Variants in BCAS3 observed in about 807,000 individuals in gnomAD.
The protein encoded by BCAS3 is BCAS3 microtubule associated cell migration factor.
BCAS3 carries 53 observed loss-of-function variants against 116.1 expected under a neutral mutation model. The ratio of observed to expected loss-of-function variants is 0.46; its 90% CI spans 0.37 to 0.57. The LOEUF is 0.57. Among genes scored for constraint, BCAS3 ranks in the 20% least tolerant of loss-of-function variants. The pLI, the probability that BCAS3 is intolerant of heterozygous loss-of-function variation, is 0.00. For missense variants in BCAS3, 917 were observed against 1,165.4 expected (o/e 0.79, Z 3.10); for synonymous variants, 391 against 408.2 (o/e 0.96, Z 0.51).
rs781084130 is a variant in BCAS3 at position 61,037,844 on chromosome 17, A to T, written c.1763-45A>T. On this transcript the variant is annotated intron_variant, in intron 17 of 23. Transcript: ENST00000407086. This position sits in a 1 kb window ranked among gnomAD's most constrained non-coding sequence, Gnocchi z 4.7. ...ACTTGTAAAAATTATTCTGTGCTCC[A>T]TTTATGCCATCATAACACATCGGGT... The T allele has an allele frequency of 2.6e-6, 4 of 1,559,772 alleles. No individual in the cohort carries two copies. Among genetic ancestry groups the T allele is most frequent in the Non-Finnish European group, 3.5e-6 (4 of 1,137,142 alleles).
chr17:61,235,272 A>G lies in BCAS3; in HGVS notation c.2426-133055A>G, dbSNP rs1165670914. Among the ~76,000 whole-genome samples the G allele has an allele frequency of 6.6e-6, 1 of 152,206 alleles. No individual in the cohort carries two copies. Among genetic ancestry groups the G allele is most frequent in the Non-Finnish European group, 1.5e-5 (1 of 68,040 alleles). On this transcript the variant is annotated intron_variant, in intron 22 of 23. Transcript: ENST00000407086. This position sits in a 1 kb window ranked among gnomAD's most constrained non-coding sequence, Gnocchi z 5.0. The stretch of plus-strand genomic sequence containing the variant: ...AGAGTGGCCAGGTGAAGGCTGAAGG[A>G]CCGGATAAGTGTAGTTTCCAGAATC...
intron 22 of BCAS3, among the ~76,000 whole-genome samples, chr17:61,168,418 A>G (rs2078644943): frequency 6.6e-6 from 1 of 152,240 alleles, no homozygotes; most frequent in African/African-American, 2.4e-5. Flanking sequence ...TAAAAAATAA[A>G]TGCAATCAAA....
chr17:60,679,342 G>T, intron 1 of BCAS3, 111 bp from the exon 2 acceptor site: 5 of 676,000 alleles, frequency 7.4e-6, no homozygotes, highest in Non-Finnish European at 9.8e-6. Flanking sequence ...TCCTACATTT[G>T]AGGCATTTTT....
rs544383204 is a variant in BCAS3, at chr17:60,960,913, C to T, written c.1221+13561C>T. 6.6e-6 allele frequency among the ~76,000 whole-genome samples: 1 copy of T among 151,988 alleles called. No individual in the cohort carries two copies. The highest frequency in any genetic ancestry group is 1.9e-4 in the East Asian group (1 of 5,168). On this transcript the variant is annotated intron_variant, in intron 14 of 23. Transcript: ENST00000407086. The surrounding 1 kb of genome is among the most constrained non-coding windows in gnomAD (Gnocchi z 4.1). ...GGATCCATGCCATCAGACAAGAGGA[C>T]ACTCCACAGATCTTTCTTGCATTTG...
At chr17:60,811,612 A>G (rs1316919837) in intron 7 of BCAS3, 1 of 321,656 alleles carries the variant, frequency 3.1e-6, no homozygotes, top group Non-Finnish European at 6.1e-6. Flanking sequence ...AATGTGTTCT[A>G]AGAACTAAAT....
At chr17:61,150,859 C>G (rs749119869) in intron 22 of BCAS3, among the ~76,000 whole-genome samples, 1 of 152,216 alleles carries the variant, frequency 6.6e-6, no homozygotes, top group Non-Finnish European at 1.5e-5. Context: ...CTCATCATTT[C>G]GTTTCTCACT....
chr17:60,705,491 G>A (rs1248812441), intron 4 of BCAS3, among the ~76,000 whole-genome samples: 2 of 147,714 alleles, frequency 1.4e-5, no homozygotes, highest in Non-Finnish European at 3.0e-5. Context: ...TCCAGCTTGG[G>A]TGACAGAGTG....
chr17:61,100,053 C>G (rs767364885), intron 22 of BCAS3, among the ~76,000 whole-genome samples: 14 of 152,256 alleles, frequency 9.2e-5, no homozygotes, highest in Middle Eastern at 3.4e-3. Context: ...ACCTATTTTA[C>G]TTTGGTGTTC....
At chr17:61,160,559 T>TTG (rs1258640065) in intron 22 of BCAS3, among the ~76,000 whole-genome samples, 1 of 152,166 alleles carries the variant, frequency 6.6e-6, no homozygotes, top group East Asian at 1.9e-4. Context: ...CTGGGAGCAA[T>TTG]TGAGTACACC....
rs1230801302 is a variant in BCAS3 at position 60,960,930 on chromosome 17, T to C, written c.1221+13578T>C. Among the ~76,000 whole-genome samples, 1 of 152,124 alleles carries C rather than the reference T, an allele frequency of 6.6e-6. No homozygotes were observed. Among genetic ancestry groups the C allele is most frequent in the Non-Finnish European group, 1.5e-5 (1 of 68,022 alleles). On this transcript the variant is annotated intron_variant, in intron 14 of 23. Coordinates refer to ENST00000407086, the MANE Select transcript of BCAS3 (RefSeq NM_017679.5). This position sits in a 1 kb window ranked among gnomAD's most constrained non-coding sequence, Gnocchi z 4.1. The stretch of plus-strand genomic sequence containing the variant: ...CAAGAGGACACTCCACAGATCTTTC[T>C]TGCATTTGTCTCTCTATTCCTGGCT...
Position 61,379,712 on chromosome 17 carries a change from CCT to C in BCAS3, c.2593+11219_2593+11220del, listed in dbSNP as rs1319463854. The C allele has an allele frequency of 5.3e-5, 8 of 152,312 alleles. No homozygotes were observed. Among genetic ancestry groups the C allele is most frequent in the African/African-American group, 9.6e-5 (4 of 41,468 alleles). The allele number at this position is 152,312 out of a possible 1,614,324, so 9.4% of individuals were successfully genotyped here. On this transcript the variant is annotated intron_variant, in intron 23 of 23. Transcript: ENST00000407086. This position sits in a 1 kb window ranked among gnomAD's most constrained non-coding sequence, Gnocchi z 5.5. ...CCAGCACCAGGCTTCGCAGCCCTCC[CCT>C]GTTACCCACATATGTTTTATGGGGT...
At chr17:61,240,497 A>C (rs1242191979) in intron 22 of BCAS3, among the ~76,000 whole-genome samples, 1 of 151,036 alleles carries the variant, frequency 6.6e-6, no homozygotes, top group African/African-American at 2.4e-5. Flanking sequence ...CTAAAAATAC[A>C]AAAAAAAATA....
chr17:61,022,159 G>A (rs2065917020), intron 16 of BCAS3, among the ~76,000 whole-genome samples: 1 of 152,122 alleles, frequency 6.6e-6, no homozygotes, highest in African/African-American at 2.4e-5. Flanking sequence ...CTATATCAGT[G>A]GAGTACTTAA....
At chr17:60,778,046 T>G (rs958323435) in intron 6 of BCAS3, among the ~76,000 whole-genome samples, 5 of 152,216 alleles carry the variant, frequency 3.3e-5, no homozygotes, top group African/African-American at 1.2e-4. Flanking sequence ...TAATTACTGT[T>G]GAGTTTAGAT....
chr17:60,788,020 A>C (rs1429623662), intron 6 of BCAS3, among the ~76,000 whole-genome samples: 1 of 151,916 alleles, frequency 6.6e-6, no homozygotes, highest in African/African-American at 2.4e-5. Flanking sequence ...GAGTTCTCAT[A>C]TGTTGCAGCA....
At position 61,347,738 on chromosome 17, in the gene BCAS3, G is replaced by A. The variant is rs2057586751; in HGVS notation, c.2426-20589G>A. On this transcript the variant is annotated intron_variant, in intron 22 of 23. Transcript: ENST00000407086. The surrounding 1 kb of genome is among the most constrained non-coding windows in gnomAD (Gnocchi z 4.3). ...GAAGGTAAGCCTAGGGTGTTGTGGG[G>A]GCCGGTAGGAAGACCTAAGTCAGAC... 6.6e-6 allele frequency among the ~76,000 whole-genome samples: 1 copy of A among 152,208 alleles called. No individual in the cohort carries two copies. Among genetic ancestry groups the A allele is most frequent in the African/African-American group, 2.4e-5 (1 of 41,438 alleles).
chr17:60,842,638 T>C (rs2144766416), intron 7 of BCAS3, among the ~76,000 whole-genome samples: 1 of 152,270 alleles, frequency 6.6e-6, no homozygotes, highest in South Asian at 2.1e-4. Context: ...TCTCCACTTA[T>C]TTATATTCTC....
chr17:61,134,941 T>C lies in BCAS3; in HGVS notation c.2425+50377T>C, dbSNP rs1385062056. Among the ~76,000 whole-genome samples the C allele has an allele frequency of 1.3e-5, 2 of 152,198 alleles. No individual in the cohort carries two copies. The highest frequency in any genetic ancestry group is 2.4e-5 in the African/African-American group (1 of 41,432). On this transcript the variant is annotated intron_variant, in intron 22 of 23. Transcript: ENST00000407086. This position sits in a 1 kb window ranked among gnomAD's most constrained non-coding sequence, Gnocchi z 4.6. ...TTTGTACAAGTCAGTAAAAGTGATA[T>C]ACAGTATTTCTTCAAAACTGGAATG...
chr17:61,179,412 C>G (rs1163708603), intron 22 of BCAS3, among the ~76,000 whole-genome samples: 1 of 151,822 alleles, frequency 6.6e-6, no homozygotes, highest in Non-Finnish European at 1.5e-5. Context: ...AGAACTGTTG[C>G]CTGACTATAT....
Sources: gnomAD v4.1 joint callset for allele counts (sites outside exome capture counted in the v4.1 genomes callset) on GRCh38, gnomAD v4.1.1 for gene constraint, Gnocchi (gnomAD v3.1) non-coding constraint, MANE v1.5 for transcripts, NCBI Gene and HGNC (gene_info 2026-07-23, HGNC 2026-07-21) for gene names.